CACNB2: variants seen among roughly 807,000 people sequenced by gnomAD.
CACNB2 encodes calcium voltage-gated channel auxiliary subunit beta 2.
A neutral mutation model predicts 73.3 loss-of-function variants in CACNB2; 42 were observed. The ratio of observed to expected loss-of-function variants is 0.57; its 90% CI spans 0.45 to 0.74. The LOEUF is 0.74. Among genes scored for constraint, CACNB2 ranks in the 30% least tolerant of loss-of-function variants. The pLI is 0.00. For synonymous variants in CACNB2, 348 were observed against 310.3 expected (o/e 1.12, Z -1.28); for missense variants, 940 against 853.0 (o/e 1.10, Z -1.27).
chr10:18,404,233 C>T (rs1318198707), intron 3 of CACNB2, among the ~76,000 whole-genome samples: 4 of 151,956 alleles, frequency 2.6e-5, no homozygotes, highest in South Asian at 4.1e-4. Context: ...TTAAATATGT[C>T]TCAAAAGAAG....
chr10:18,293,924 G>A (rs1028377568), intron 2 of CACNB2, among the ~76,000 whole-genome samples: 5 of 152,148 alleles, frequency 3.3e-5, no homozygotes, highest in African/African-American at 4.8e-5. Flanking sequence ...CACCAGTCAC[G>A]GTTTTTTAGG....
intron 3 of CACNB2, among the ~76,000 whole-genome samples, chr10:18,456,476 TAAAC>T (rs2047286444): frequency 2.0e-5 from 3 of 151,970 alleles, no homozygotes; most frequent in South Asian, 2.1e-4. Context: ...GAAAATAAAA[TAAAC>T]AACCAGTTCT....
At position 18,297,612 on chromosome 10, in the gene CACNB2, C is replaced by T. The variant is rs1176545688; in HGVS notation, c.214-104312C>T. Among the ~76,000 whole-genome samples the T allele has an allele frequency of 2.0e-5, 3 of 152,156 alleles. 1 individual carries two copies. In the East Asian group the frequency reaches 5.8e-4, roughly 29 times the overall value. On this transcript the variant is annotated intron_variant, in intron 2 of 13. Coordinates refer to ENST00000324631, the MANE Select transcript of CACNB2 (RefSeq NM_201596.3). ...AGATAATTAAACATTTCCAGGCCGACTGAATTCCTCCACGGAGAAGACAGG... is the reference window on the plus strand; with the variant it reads ...AGATAATTAAACATTTCCAGGCCGATTGAATTCCTCCACGGAGAAGACAGG...
chr10:18,187,024 A>G (rs1342139297), intron 2 of CACNB2, among the ~76,000 whole-genome samples: 2 of 152,144 alleles, frequency 1.3e-5, no homozygotes, highest in South Asian at 2.1e-4. Flanking sequence ...GTGACGAACC[A>G]TGGAAAGTGC....
At chr10:18,190,561 T>C (rs1368194388) in intron 2 of CACNB2, among the ~76,000 whole-genome samples, 1 of 152,168 alleles carries the variant, frequency 6.6e-6, no homozygotes, top group Non-Finnish European at 1.5e-5. Flanking sequence ...TTCCTATTCA[T>C]TGAGGAGAAA....
chr10:18,453,230 A>G (rs2047100046), intron 3 of CACNB2, among the ~76,000 whole-genome samples: 1 of 152,156 alleles, frequency 6.6e-6, no homozygotes, highest in African/African-American at 2.4e-5. Flanking sequence ...CTTAACACTT[A>G]AATTGGATCC....
At chr10:18,177,978 C>T (rs1050089008) in intron 2 of CACNB2, among the ~76,000 whole-genome samples, 6 of 152,142 alleles carry the variant, frequency 3.9e-5, no homozygotes, top group African/African-American at 1.4e-4. Flanking sequence ...ATGCATTTTG[C>T]AGCTAGACTC....
intron 2 of CACNB2, among the ~76,000 whole-genome samples, chr10:18,325,593 TTC>T (rs1164654648): frequency 2.6e-5 from 4 of 151,726 alleles, no homozygotes; most frequent in South Asian, 4.2e-4. Context: ...CTTTCTCTCT[TTC>T]TCTGTCTTTT....
At chr10:18,437,733 C>T (rs1303742066) in intron 3 of CACNB2, among the ~76,000 whole-genome samples, 3 of 152,154 alleles carry the variant, frequency 2.0e-5, no homozygotes, top group Non-Finnish European at 4.4e-5. Flanking sequence ...GAGTCAGCCA[C>T]AAGGTATTTA....
chr10:18,377,768 C>T (rs558777274), intron 2 of CACNB2, among the ~76,000 whole-genome samples: 7 of 152,230 alleles, frequency 4.6e-5, no homozygotes, highest in Admixed American at 2.6e-4. Context: ...ATGCTTTCTC[C>T]ACAAGCCTGG....
At chr10:18,525,978 T>C (rs1200148651) in intron 9 of CACNB2, among the ~76,000 whole-genome samples, 1 of 152,252 alleles carries the variant, frequency 6.6e-6, no homozygotes. Flanking sequence ...ATAATTGTCA[T>C]AATTGATTTT....
Position 18,543,199 on chromosome 10 carries a change from A to G in CACNB2, c.*3475A>G, listed in dbSNP as rs1227172397. 3 of 152,176 alleles carry G rather than the reference A, an allele frequency of 2.0e-5. No homozygotes were observed. Among genetic ancestry groups the G allele is most frequent in the African/African-American group, 4.8e-5 (2 of 41,436 alleles). 9.4% of individuals were successfully genotyped at this position (152,176 alleles called of 1,614,324 possible). On this transcript the variant is annotated 3_prime_UTR_variant, in exon 14 of 14. Coordinates refer to ENST00000324631, the MANE Select transcript of CACNB2 (RefSeq NM_201596.3). ...AGAAATGATTCATGTAGTTGAGACT[A>G]TATTAAATATTCAACACTTCCCAGC... is the stretch of plus-strand genomic sequence containing the variant.
At chr10:18,369,060 A>G (rs1589157580) in intron 2 of CACNB2, among the ~76,000 whole-genome samples, 1 of 152,260 alleles carries the variant, frequency 6.6e-6, no homozygotes, top group Admixed American at 6.5e-5. Context: ...TAAGTATTCA[A>G]ATGTTTAAAA....
At chr10:18,468,954 T>C (rs191112353) in intron 3 of CACNB2, among the ~76,000 whole-genome samples, 1 of 152,328 alleles carries the variant, frequency 6.6e-6, no homozygotes, top group Admixed American at 6.5e-5. Context: ...GTGGTTACTA[T>C]AAAATGTTTG....
At chr10:18,522,819 A>G (rs532828703) in intron 9 of CACNB2, among the ~76,000 whole-genome samples, 1 of 142,066 alleles carries the variant, frequency 7.0e-6, no homozygotes, top group South Asian at 2.3e-4. Context: ...CAGACGTTGC[A>G]GTGAGCCGAG....
At chr10:18,336,840 G>C (rs924558637) in intron 2 of CACNB2, among the ~76,000 whole-genome samples, 4 of 152,150 alleles carry the variant, frequency 2.6e-5, no homozygotes, top group African/African-American at 9.7e-5. Flanking sequence ...TAGAAAATTA[G>C]ATAATCCTTG....
intron 2 of CACNB2, among the ~76,000 whole-genome samples, chr10:18,231,393 G>A (rs538775188): frequency 2.2e-3 from 338 of 152,190 alleles, no homozygotes; most frequent in African/African-American, 7.8e-3. Flanking sequence ...TGGCCAGGCT[G>A]GTCTCAAACT....
rs779130701 is a variant in CACNB2 at position 18,500,955 on chromosome 10, G to C, written c.593+7G>C. On this transcript the variant is annotated splice_region_variant and intron_variant, in intron 5 of 13. Coordinates refer to ENST00000324631, the MANE Select transcript of CACNB2 (RefSeq NM_201596.3). ...AAGGGAAATTCTACTCCAGGTATGA[G>C]ACAGATGTCAAGTGTTTGCATAAAA... is the stretch of plus-strand genomic sequence containing the variant. The C allele has an allele frequency of 1.2e-6, 2 of 1,613,654 alleles. No homozygotes were observed. Among genetic ancestry groups the C allele is most frequent in the South Asian group, 2.2e-5 (2 of 91,078 alleles).
At chr10:18,286,833 C>G (rs2038825483) in intron 2 of CACNB2, among the ~76,000 whole-genome samples, 2 of 152,072 alleles carry the variant, frequency 1.3e-5, no homozygotes, top group African/African-American at 4.8e-5. Flanking sequence ...TATTTTAAAG[C>G]AATGCTAAGT....
Sources: allele counts gnomAD v4.1 joint callset (sites outside exome capture counted in the v4.1 genomes callset), GRCh38; gene constraint gnomAD v4.1.1; transcripts MANE v1.5; gene names NCBI Gene and HGNC (gene_info 2026-07-23, HGNC 2026-07-21).